ARMH4: variants seen among roughly 807,000 people sequenced by gnomAD.
ARMH4 encodes armadillo-like helical domain-containing protein 4.
ARMH4 carries 49 observed loss-of-function variants against 61.9 expected under a neutral mutation model. The observed-to-expected ratio is 0.79, with a 90% CI of 0.63 to 1.00. ARMH4 has a LOEUF of 1.00. Ranked by LOEUF, ARMH4 falls within the 50% of genes least tolerant of loss-of-function variation. ARMH4 has a pLI of 0.00. For synonymous variants in ARMH4, 368 were observed against 341.5 expected (o/e 1.08, Z -0.85); for missense variants, 934 against 930.0 (o/e 1.00, Z -0.06).
Position 58,096,803 on chromosome 14 carries a change from C to G in ARMH4, c.2010G>C (p.Glu670Asp), listed in dbSNP as rs1885765652. 11 of 1,614,012 alleles carry G rather than the reference C, an allele frequency of 6.8e-6. No homozygotes were observed. The highest frequency in any genetic ancestry group is 1.3e-5 in the African/African-American group (1 of 74,900). The change falls in exon 5 of 8, where the codon GAG becomes GAC. Residue 670 changes from glutamate to aspartate, a missense_variant. Physicochemically the swap from Glu to Asp is conservative, Grantham distance 45 (BLOSUM62 2). Coordinates refer to ENST00000267485, the MANE Select transcript of ARMH4 (RefSeq NM_001001872.4). ...CTCCCTCCAACAGGTCCATGTTTCC[C>G]TCCTCTAAGCCTGGTTCCTGGGATG... ...GITSQEPGLE[E>D]GNMDLLEGAT...
rs1240045606 is a variant in ARMH4, at chr14:58,152,159, C to CGGCGGCGGCGGT, written c.-153_-142dup. On this transcript the variant is annotated 5_prime_UTR_variant, in exon 1 of 8. Transcript: ENST00000267485. Reference sequence around the variant, plus strand: ...GGCATCCCAGCGGCGGGCCCTGCGGCGGCGGCGGCGGTAGCGGCGGCGACT... The same window carrying CGGCGGCGGCGGT: ...GGCATCCCAGCGGCGGGCCCTGCGGCGGCGGCGGCGGTGGCGGCGGCGGTAGCGGCGGCGACT... 2 of 161,214 alleles carry CGGCGGCGGCGGT rather than the reference C, an allele frequency of 1.2e-5. No individual in the cohort carries two copies. The highest frequency in any genetic ancestry group is 2.7e-5 in the Non-Finnish European group (2 of 75,284). 10.0% of individuals were successfully genotyped at this position (161,214 alleles called of 1,614,324 possible). A position where few individuals can be genotyped will look rare whatever the true frequency, so the allele number is the denominator to read the frequency against.
intron 5 of ARMH4, among the ~76,000 whole-genome samples, chr14:58,086,408 T>TA (rs1298576017): frequency 4.6e-5 from 7 of 152,092 alleles, no homozygotes; most frequent in Non-Finnish European, 8.8e-5. Context: ...CACTTTGGAG[T>TA]AAGTAGAACC....
In ARMH4 at chr14:58,076,945, A is replaced by G. The variant is rs115617229; in HGVS notation, c.2089+19779T>C. Reference sequence around the variant, plus strand: ...GGGGCCACTAGACTTAGCTTTGTCTACACCAAGGCTTCACCCTCTACCCGG... The same window carrying G: ...GGGGCCACTAGACTTAGCTTTGTCTGCACCAAGGCTTCACCCTCTACCCGG... On this transcript the variant is annotated intron_variant, in intron 5 of 7. Coordinates refer to ENST00000267485, the MANE Select transcript of ARMH4 (RefSeq NM_001001872.4). 6.2e-3 allele frequency among the ~76,000 whole-genome samples: 950 copies of G among 152,250 alleles called. 10 individuals carry two copies. The highest frequency in any genetic ancestry group is 0.021 in the African/African-American group (861 of 41,536).
At chr14:58,022,845 C>A (rs558219903) in intron 5 of ARMH4, among the ~76,000 whole-genome samples, 2 of 152,180 alleles carry the variant, frequency 1.3e-5, no homozygotes. Context: ...AGTCCCAGAC[C>A]ACCATCATAA....
At chr14:58,026,844 G>A in intron 5 of ARMH4, among the ~76,000 whole-genome samples, 1 of 152,070 alleles carries the variant, frequency 6.6e-6, no homozygotes, top group East Asian at 1.9e-4. Context: ...TGAACATAGG[G>A]CAAAGGTAAA....
At chr14:58,054,885 ATAAT>A (rs1231924924) in intron 5 of ARMH4, among the ~76,000 whole-genome samples, 7 of 86,368 alleles carry the variant, frequency 8.1e-5, no homozygotes, top group East Asian at 3.3e-3. Context: ...AAAAAAAAAA[ATAAT>A]AATAATAATA....
intron 5 of ARMH4, among the ~76,000 whole-genome samples, chr14:58,027,512 G>T (rs1357672084): frequency 6.6e-6 from 1 of 151,934 alleles, no homozygotes; most frequent in Non-Finnish European, 1.5e-5. Flanking sequence ...TGTCTTGAAA[G>T]TCATAGGCTA....
In ARMH4 at chr14:58,038,483, C is replaced by A. The variant is rs1360826109; in HGVS notation, c.2090-26333G>T. 1.7e-4 allele frequency among the ~76,000 whole-genome samples: 23 copies of A among 133,634 alleles called. No individual in the cohort carries two copies. In the Middle Eastern group the frequency reaches 0.011, roughly 64 times the overall value. 87.7% of individuals were successfully genotyped at this position (133,634 alleles called of 152,430 possible). The stretch of plus-strand genomic sequence containing the variant: ...CACGTTAGTGGGTGCAGCGCACCAG[C>A]ATGGCACATGTATACATATGTAACT... On this transcript the variant is annotated intron_variant, in intron 5 of 7. Transcript: ENST00000267485.
chr14:58,028,624 T>C (rs911393447), intron 5 of ARMH4, among the ~76,000 whole-genome samples: 1 of 152,196 alleles, frequency 6.6e-6, no homozygotes, highest in African/African-American at 2.4e-5. Flanking sequence ...TGTCTCTTGA[T>C]GCCATGTTGG....
At chr14:58,140,746 C>A (rs902178712) in intron 1 of ARMH4, among the ~76,000 whole-genome samples, 2 of 151,714 alleles carry the variant, frequency 1.3e-5, no homozygotes, top group African/African-American at 4.8e-5. Flanking sequence ...ACTAAAAATA[C>A]AAAAAAATTA....
intron 5 of ARMH4, among the ~76,000 whole-genome samples, chr14:58,022,840 C>G (rs1270736065): frequency 6.6e-6 from 1 of 152,178 alleles, no homozygotes; most frequent in Non-Finnish European, 1.5e-5. Context: ...GGTTCAGTCC[C>G]AGACCACCAT....
At chr14:58,092,821 G>GT (rs374588899) in intron 5 of ARMH4, among the ~76,000 whole-genome samples, 1,609 of 143,004 alleles carry the variant, frequency 0.011, 22 homozygotes, top group African/African-American at 0.034. Flanking sequence ...TTCCCTTTTT[G>GT]TTTTTTTTTT....
At chr14:58,126,755 T>TA (rs1886907860) in intron 4 of ARMH4, among the ~76,000 whole-genome samples, 1 of 151,030 alleles carries the variant, frequency 6.6e-6, no homozygotes, top group South Asian at 2.1e-4. Flanking sequence ...TTTTGTATTT[T>TA]AAAAAATTAA....
In ARMH4 at chr14:58,133,101, GGA is replaced by G; in HGVS notation, c.1608_1609del (p.Pro537HisfsTer14). 1 of 1,614,144 alleles carries G rather than the reference GGA, an allele frequency of 6.2e-7. No homozygotes were observed. The highest frequency in any genetic ancestry group is 1.3e-5 in the African/African-American group (1 of 75,026). On this transcript the variant is annotated frameshift_variant, in exon 3 of 8. Transcript: ENST00000267485. LOFTEE classifies it high-confidence loss of function. ...CCTCCCTTACAGACCTTCCACAGTG[GGA>G]GTAACTTCAAAAGACAAAGGGACGA...
intron 4 of ARMH4, among the ~76,000 whole-genome samples, chr14:58,125,865 A>G (rs1886879752): frequency 6.6e-6 from 1 of 152,184 alleles, no homozygotes. Flanking sequence ...AAGAATCCCT[A>G]AGCCTAGCTG....
chr14:58,142,400 T>A (rs1887594378), intron 1 of ARMH4, among the ~76,000 whole-genome samples: 1 of 152,232 alleles, frequency 6.6e-6, no homozygotes, highest in Admixed American at 6.5e-5. Context: ...ATGATCTACA[T>A]GGCTGAAGAC....
chr14:58,087,863 C>A (rs974527162), intron 5 of ARMH4, among the ~76,000 whole-genome samples: 2 of 152,154 alleles, frequency 1.3e-5, no homozygotes, highest in Admixed American at 6.6e-5. Flanking sequence ...TAGAACTGTT[C>A]ATCAGAAGTC....
chr14:58,138,824 T>A lies in ARMH4; in HGVS notation c.535A>T (p.Thr179Ser). ...ATATACTTCAGAAAACCTTTTGTGGTTTCTGTGATCTCTTCTACAATGGGC... is the reference window on the plus strand; with the variant it reads ...ATATACTTCAGAAAACCTTTTGTGGATTCTGTGATCTCTTCTACAATGGGC... ...FQPIVEEITE[T>S]TKGFLKYMDN... The change falls in exon 2 of 8, where the codon ACC (threonine) becomes TCC (serine). Residue 179 changes from threonine to serine, a missense_variant. Coordinates refer to ENST00000267485, the MANE Select transcript of ARMH4 (RefSeq NM_001001872.4). 6.2e-7 allele frequency: 1 copy of A among 1,614,254 alleles called. No individual in the cohort carries two copies. Among genetic ancestry groups the A allele is most frequent in the Non-Finnish European group, 8.5e-7 (1 of 1,180,046 alleles).
intron 5 of ARMH4, among the ~76,000 whole-genome samples, chr14:58,026,252 A>T (rs540556742): frequency 6.6e-6 from 1 of 152,280 alleles, no homozygotes; most frequent in South Asian, 2.1e-4. Context: ...CAAAAAGGAA[A>T]GCAATAATAT....
Sources: gnomAD v4.1 joint callset for allele counts (sites outside exome capture counted in the v4.1 genomes callset) on GRCh38, gnomAD v4.1.1 for gene constraint, MANE v1.5 for transcripts, NCBI Gene and HGNC (gene_info 2026-07-23, HGNC 2026-07-21) for gene names.